The following RSRC1 variants were observed in gnomAD, a reference collection of about 807,000 sequenced individuals.
The protein encoded by RSRC1 is arginine and serine rich coiled-coil 1, also known as serine/Arginine-related protein 53.
Under a neutral mutation model 49.1 loss-of-function variants are expected in RSRC1, and 39 were observed. The ratio of observed to expected loss-of-function variants is 0.79; its 90% CI spans 0.61 to 1.04. The LOEUF (loss-of-function observed/expected upper bound fraction) is 1.04. Among genes scored for constraint, RSRC1 ranks in the 50% least tolerant of loss-of-function variants. The pLI, the probability that RSRC1 is intolerant of heterozygous loss-of-function variation, is 0.00. For synonymous variants in RSRC1, 143 were observed against 130.8 expected (o/e 1.09, Z -0.63); for missense variants, 388 against 402.4 (o/e 0.96, Z 0.31).
chr3:158,326,462 G>A (rs12638991), intron 5 of RSRC1, among the ~76,000 whole-genome samples: 87,511 of 151,902 alleles, frequency 0.58, 25,526 homozygotes, highest in East Asian at 0.74. Context: ...TTTGTTGAAG[G>A]CCTTTTCTGC....
chr3:158,253,551 T>C (rs1284662398), intron 4 of RSRC1, among the ~76,000 whole-genome samples: 1 of 152,152 alleles, frequency 6.6e-6, no homozygotes, highest in Non-Finnish European at 1.5e-5. Context: ...AGCCATTAGA[T>C]TAAATTTTCT....
intron 5 of RSRC1, 145 bp from the exon 6 acceptor site, chr3:158,354,712 A>G (rs964169685): frequency 2.8e-5 from 17 of 611,524 alleles, no homozygotes; most frequent in Non-Finnish European, 4.2e-5. Flanking sequence ...CAAGTGCAAG[A>G]TGTGATGGAT....
At chr3:158,441,229 G>A (rs1578482225) in intron 6 of RSRC1, among the ~76,000 whole-genome samples, 1 of 152,078 alleles carries the variant, frequency 6.6e-6, no homozygotes, top group Admixed American at 6.6e-5. Flanking sequence ...TGACTTCTTG[G>A]CAGTATTCAT....
chr3:158,135,470 G>C (rs7653039), intron 3 of RSRC1, among the ~76,000 whole-genome samples: 97,560 of 150,172 alleles, frequency 0.65, 31,940 homozygotes, highest in East Asian at 0.83. Flanking sequence ...AGTAGAGACA[G>C]GGTTTTACCA....
At chr3:158,311,891 T>G (rs1213040070) in intron 5 of RSRC1, among the ~76,000 whole-genome samples, 1 of 151,398 alleles carries the variant, frequency 6.6e-6, no homozygotes, top group Admixed American at 6.6e-5. Flanking sequence ...AATATGAGAG[T>G]GGGGAAATTT....
intron 4 of RSRC1, among the ~76,000 whole-genome samples, chr3:158,285,236 C>G (rs976332386): frequency 3.9e-5 from 6 of 152,124 alleles, no homozygotes; most frequent in African/African-American, 7.2e-5. Context: ...GGGCTCTGTT[C>G]TGTTCCATTG....
chr3:158,285,734 A>C (rs1000918153), intron 4 of RSRC1, among the ~76,000 whole-genome samples: 1 of 152,066 alleles, frequency 6.6e-6, no homozygotes, highest in African/African-American at 2.4e-5. Context: ...ATTTTTGTAC[A>C]TTGATTTTGT....
intron 6 of RSRC1, among the ~76,000 whole-genome samples, chr3:158,371,720 A>T (rs192409893): frequency 5.3e-5 from 8 of 152,056 alleles, no homozygotes; most frequent in Admixed American, 2.6e-4. Context: ...ACTTGGGTAA[A>T]TACCTAAGAC....
At chr3:158,434,582 G>C (rs1416383086) in intron 6 of RSRC1, among the ~76,000 whole-genome samples, 1 of 151,942 alleles carries the variant, frequency 6.6e-6, no homozygotes, top group African/African-American at 2.4e-5. Flanking sequence ...AGAAGAAGCA[G>C]ACAGATACAT....
At chr3:158,333,076 C>T (rs370073716) in intron 5 of RSRC1, among the ~76,000 whole-genome samples, 18 of 151,644 alleles carry the variant, frequency 1.2e-4, no homozygotes, top group Admixed American at 9.2e-4. Flanking sequence ...TCACGCCATT[C>T]GCCTGCCTCA....
intron 4 of RSRC1, among the ~76,000 whole-genome samples, chr3:158,208,335 CG>C (rs1721462757): frequency 6.6e-6 from 1 of 151,888 alleles, no homozygotes; most frequent in Admixed American, 6.6e-5. Flanking sequence ...ATGGCTACTC[CG>C]TAGTCAGAGC....
intron 5 of RSRC1, among the ~76,000 whole-genome samples, chr3:158,317,551 G>GA (rs1272096784): frequency 6.8e-6 from 1 of 146,432 alleles, no homozygotes; most frequent in African/African-American, 2.5e-5. Context: ...TTCAGAGTAT[G>GA]ATGAGAAACA....
In RSRC1 at chr3:158,545,170, T is replaced by A. The variant is rs532919441; in HGVS notation, c.*895T>A. On this transcript the variant is annotated 3_prime_UTR_variant, in exon 10 of 10. Transcript: ENST00000611884. ...CAAAACTGGTTTTTAACAGCTGACA[T>A]GAATATTTCCCGTTTCTATTTTCTT... 1.3e-5 allele frequency: 2 copies of A among 151,322 alleles called. No individual in the cohort carries two copies. The highest frequency in any genetic ancestry group is 1.5e-5 in the Non-Finnish European group (1 of 67,990). The allele number at this position is 151,322 out of a possible 1,614,324, so 9.4% of individuals were successfully genotyped here.
At chr3:158,241,161 G>T (rs1005580888) in intron 4 of RSRC1, among the ~76,000 whole-genome samples, 13 of 152,128 alleles carry the variant, frequency 8.5e-5, no homozygotes, top group African/African-American at 2.4e-4. Flanking sequence ...AAAAATGCCA[G>T]CAGTGGCTGG....
At chr3:158,400,188 T>C (rs1241320365) in intron 6 of RSRC1, among the ~76,000 whole-genome samples, 1 of 152,120 alleles carries the variant, frequency 6.6e-6, no homozygotes. Context: ...GAAAAATTCC[T>C]ATGGCCTTTT....
At chr3:158,390,679 G>A (rs1164050505) in intron 6 of RSRC1, among the ~76,000 whole-genome samples, 2 of 152,072 alleles carry the variant, frequency 1.3e-5, no homozygotes, top group African/African-American at 2.4e-5. Context: ...CTAGGAAGTA[G>A]GGAGGTTAAT....
intron 4 of RSRC1, among the ~76,000 whole-genome samples, chr3:158,287,363 A>G (rs1334834513): frequency 6.6e-6 from 1 of 152,160 alleles, no homozygotes; most frequent in Non-Finnish European, 1.5e-5. Context: ...GAAGTAATAG[A>G]ATGCATGAAT....
chr3:158,275,629 C>T (rs1224517603), intron 4 of RSRC1, among the ~76,000 whole-genome samples: 1 of 152,126 alleles, frequency 6.6e-6, no homozygotes, highest in Non-Finnish European at 1.5e-5. Flanking sequence ...AAAGTTTATC[C>T]TATTAGAAAC....
chr3:158,353,995 CTTTTTTTTTTT>C (rs1230649090), intron 5 of RSRC1, among the ~76,000 whole-genome samples: 14 of 96,306 alleles, frequency 1.5e-4, no homozygotes, highest in Admixed American at 4.2e-4. Context: ...GTTTCTTTTT[CTTTTTTTTTTT>C]TTTTTTTTTT....
Sources: gnomAD v4.1 joint callset for allele counts (sites outside exome capture counted in the v4.1 genomes callset) on GRCh38, gnomAD v4.1.1 for gene constraint, MANE v1.5 for transcripts, NCBI Gene and HGNC (gene_info 2026-07-23, HGNC 2026-07-21) for gene names.